The following RCOR1 variants were observed in gnomAD, a reference collection of about 807,000 sequenced individuals.
The protein encoded by RCOR1 is REST corepressor 1.
RCOR1 carries 12 observed loss-of-function variants against 64.0 expected under a neutral mutation model. The ratio of observed to expected loss-of-function variants is 0.19; its 90% CI spans 0.12 to 0.30. RCOR1 has a LOEUF of 0.30. Ranked by LOEUF, RCOR1 falls within the 10% of genes least tolerant of loss-of-function variation. The pLI, the probability that RCOR1 is intolerant of heterozygous loss-of-function variation, is 1.00. For synonymous variants in RCOR1, 279 were observed against 227.2 expected (o/e 1.23, Z -2.05); for missense variants, 502 against 621.2 (o/e 0.81, Z 2.04).
intron 3 of RCOR1, among the ~76,000 whole-genome samples, chr14:102,683,672 G>A (rs867020037): frequency 6.6e-6 from 1 of 152,228 alleles, no homozygotes; most frequent in Non-Finnish European, 1.5e-5. Context: ...CTGATGTTCC[G>A]TGCGCGAATG....
chr14:102,711,260 A>G (rs537658824), intron 7 of RCOR1, among the ~76,000 whole-genome samples: 28 of 152,414 alleles, frequency 1.8e-4, no homozygotes, highest in African/African-American at 6.7e-4. Flanking sequence ...TCCCTAGAAC[A>G]GCAGTCCTCA....
intron 3 of RCOR1, among the ~76,000 whole-genome samples, chr14:102,683,238 G>T (rs911764347): frequency 2.0e-5 from 3 of 152,016 alleles, no homozygotes; most frequent in Admixed American, 1.3e-4. Flanking sequence ...AAACTAACCT[G>T]TCCACTGAGG....
chr14:102,662,706 C>A, intron 2 of RCOR1: 1 of 432,942 alleles, frequency 2.3e-6, no homozygotes, highest in Non-Finnish European at 4.4e-6. Flanking sequence ...CTTTCGGTGC[C>A]ATCTTGTGAA....
At chr14:102,716,961 C>G (rs974493240) in intron 8 of RCOR1, among the ~76,000 whole-genome samples, 1 of 151,932 alleles carries the variant, frequency 6.6e-6, no homozygotes, top group Non-Finnish European at 1.5e-5. Context: ...CCTGATATAC[C>G]CCTCTACTTC....
chr14:102,594,739 A>T lies in RCOR1; in HGVS notation c.361+1414A>T, dbSNP rs1031662259. Among the ~76,000 whole-genome samples, 20 of 149,828 alleles carry T rather than the reference A, an allele frequency of 1.3e-4. No homozygotes were observed. The East Asian group carries it at 1.4e-3, about 10-fold the overall frequency. On this transcript the variant is annotated intron_variant, in intron 2 of 11. Transcript: ENST00000262241. The stretch of plus-strand genomic sequence containing the variant: ...TAGGTGGCCAGGCTATATCTCTTGT[A>T]TGCTTGGCTCCTCCGTTCCTTGGTT...
chr14:102,603,493 A>G (rs990307227), intron 2 of RCOR1, among the ~76,000 whole-genome samples: 2 of 151,670 alleles, frequency 1.3e-5, no homozygotes, highest in African/African-American at 4.8e-5. Context: ...CCCAGCTAAT[A>G]TTTGTATTTT....
intron 2 of RCOR1, among the ~76,000 whole-genome samples, chr14:102,637,988 C>T (rs1266734255): frequency 1.3e-5 from 2 of 151,872 alleles, no homozygotes; most frequent in Admixed American, 6.6e-5. Flanking sequence ...CTTTTTGTTC[C>T]AATTTCTGTA....
intron 3 of RCOR1, among the ~76,000 whole-genome samples, chr14:102,698,023 C>T (rs1895681505): frequency 6.6e-6 from 1 of 152,110 alleles, no homozygotes; most frequent in South Asian, 2.1e-4. Context: ...ACCCGGCCAT[C>T]CAAGAAAATC....
chr14:102,670,139 C>T (rs1275185636), intron 2 of RCOR1, among the ~76,000 whole-genome samples: 1 of 152,040 alleles, frequency 6.6e-6, no homozygotes, highest in Non-Finnish European at 1.5e-5. Context: ...TTAGTAGAGA[C>T]GGGGTTTCAC....
chr14:102,657,948 G>A (rs1344446103), intron 2 of RCOR1: 2 of 979,998 alleles, frequency 2.0e-6, no homozygotes, highest in African/African-American at 3.5e-5. Context: ...TTTATGAGGG[G>A]TGTTCTTTTT....
At chr14:102,701,247 T>G in intron 3 of RCOR1, 31 bp from the exon 4 acceptor site, 1 of 1,586,604 alleles carries the variant, frequency 6.3e-7, no homozygotes, top group Non-Finnish European at 8.7e-7. Context: ...GTCCCTCAGT[T>G]TGTTTAATGG....
At chr14:102,700,075 A>G (rs1037971140) in intron 3 of RCOR1, among the ~76,000 whole-genome samples, 1 of 152,204 alleles carries the variant, frequency 6.6e-6, no homozygotes, top group Admixed American at 6.5e-5. Context: ...TTTAAAACAT[A>G]AAGAATAGTT....
chr14:102,697,300 G>A (rs540451717), intron 3 of RCOR1, among the ~76,000 whole-genome samples: 5 of 152,306 alleles, frequency 3.3e-5, no homozygotes, highest in Non-Finnish European at 7.4e-5. Context: ...TAGTCATACA[G>A]TGCTGACTGT....
In RCOR1 at chr14:102,721,338, G is replaced by A; in HGVS notation, c.1150G>A (p.Ala384Thr). The part of the protein sequence containing the change: ...RLPEVIQKCN[A>T]RWTTEEQLLA... ...TATCCAGGTCATTCAGAAATGTAAT[G>A]CACGTTGGACTACAGAAGAGCAGCT... The change falls in exon 10 of 12, where the codon GCA becomes ACA. Residue 384 changes from alanine (A) to threonine (T), a missense_variant. Coordinates refer to ENST00000262241, the MANE Select transcript of RCOR1 (RefSeq NM_015156.4). 6.2e-7 allele frequency: 1 copy of A among 1,613,504 alleles called. No individual in the cohort carries two copies. The highest frequency in any genetic ancestry group is 8.5e-7 in the Non-Finnish European group (1 of 1,179,654).
At chr14:102,613,247 G>A (rs1406938985) in intron 2 of RCOR1, among the ~76,000 whole-genome samples, 14 of 151,390 alleles carry the variant, frequency 9.2e-5, no homozygotes, top group African/African-American at 3.2e-4. Context: ...GACTACAGGC[G>A]TGCGCCACCA....
chr14:102,651,706 GTTAT>G (rs963023471), intron 2 of RCOR1, among the ~76,000 whole-genome samples: 6 of 152,124 alleles, frequency 3.9e-5, no homozygotes, highest in Admixed American at 2.6e-4. Flanking sequence ...AAATAAATGG[GTTAT>G]TTATTTATTT....
At chr14:102,612,310 A>G (rs1356842017) in intron 2 of RCOR1, among the ~76,000 whole-genome samples, 4 of 151,836 alleles carry the variant, frequency 2.6e-5, no homozygotes, top group Non-Finnish European at 4.4e-5. Context: ...GATTGCAGGC[A>G]TGAGCCACTG....
At chr14:102,639,594 C>T (rs1234710900) in intron 2 of RCOR1, among the ~76,000 whole-genome samples, 2 of 150,270 alleles carry the variant, frequency 1.3e-5, no homozygotes, top group East Asian at 3.9e-4. Context: ...AGTGCAATGG[C>T]GTGATCTTGG....
At chr14:102,693,627 G>A (rs1895583724) in intron 3 of RCOR1, among the ~76,000 whole-genome samples, 2 of 151,256 alleles carry the variant, frequency 1.3e-5, no homozygotes, top group Admixed American at 1.3e-4. Flanking sequence ...ATGGGGTTTA[G>A]CTTCCTTTTC....
Sources: gnomAD v4.1 joint callset for allele counts (sites outside exome capture counted in the v4.1 genomes callset) on GRCh38, gnomAD v4.1.1 for gene constraint, MANE v1.5 for transcripts, NCBI Gene and HGNC (gene_info 2026-07-23, HGNC 2026-07-21) for gene names.